Variants in GNG2 observed in about 807,000 individuals in gnomAD.
The protein encoded by GNG2 is guanine nucleotide-binding protein G(I)/G(S)/G(O) subunit gamma-2.
GNG2 carries 5 observed loss-of-function variants against 5.5 expected under a neutral mutation model. The ratio of observed to expected loss-of-function variants is 0.91; its 90% CI spans 0.48 to 1.92. The LOEUF (loss-of-function observed/expected upper bound fraction) is 1.92, where lower values mean the gene tolerates loss of function less well. GNG2 is among the 30% of genes most tolerant of loss of function. The pLI, the probability that GNG2 is intolerant of heterozygous loss-of-function variation, is 0.01. For missense variants in GNG2, 55 were observed against 88.4 expected (o/e 0.62, Z 1.52); for synonymous variants, 28 against 32.0 (o/e 0.88, Z 0.42).
intron 2 of GNG2, among the ~76,000 whole-genome samples, chr14:51,949,344 T>G (rs1022318442): frequency 6.6e-6 from 1 of 152,166 alleles, no homozygotes; most frequent in African/African-American, 2.4e-5. Flanking sequence ...ACTTTTGCTT[T>G]TTGGTCATTA....
At chr14:51,949,860 G>A (rs1888871255) in intron 2 of GNG2, among the ~76,000 whole-genome samples, 1 of 152,118 alleles carries the variant, frequency 6.6e-6, no homozygotes, top group Non-Finnish European at 1.5e-5. Flanking sequence ...AATGAATGTG[G>A]GATAGGATTT....
At chr14:51,896,891 G>C (rs1885225548) in intron 2 of GNG2, among the ~76,000 whole-genome samples, 1 of 152,022 alleles carries the variant, frequency 6.6e-6, no homozygotes, top group South Asian at 2.1e-4. Flanking sequence ...AAATCATAAG[G>C]AAATAGAATA....
intron 2 of GNG2, among the ~76,000 whole-genome samples, chr14:51,851,742 A>G (rs1881918108): frequency 6.6e-6 from 1 of 152,106 alleles, no homozygotes; most frequent in South Asian, 2.1e-4. Flanking sequence ...GAACACTTTA[A>G]TTTCTTCTTT....
At chr14:51,878,162 G>A (rs1196620254) in intron 2 of GNG2, 1 of 154,032 alleles carries the variant, frequency 6.5e-6, no homozygotes, top group African/African-American at 2.4e-5. Context: ...TTAGCTTTTG[G>A]AACTAGCTAT....
upstream of GNG2, among the ~76,000 whole-genome samples, chr14:51,857,014 C>A (rs958375676): frequency 1.3e-5 from 2 of 152,170 alleles, no homozygotes; most frequent in African/African-American, 4.8e-5. Context: ...GCCAATGATG[C>A]CTTTTCATTA....
chr14:51,936,121 A>G (rs1435529124), intron 2 of GNG2, among the ~76,000 whole-genome samples: 2 of 152,042 alleles, frequency 1.3e-5, no homozygotes, highest in Non-Finnish European at 2.9e-5. Context: ...ACACAGTGCC[A>G]CTCTGGGCTC....
intron 2 of GNG2, among the ~76,000 whole-genome samples, chr14:51,946,807 A>C (rs1888668811): frequency 6.6e-6 from 1 of 151,996 alleles, no homozygotes. Flanking sequence ...CTCACCCTTC[A>C]CCCAAATGCC....
chr14:51,910,872 T>C (rs1264544185), intron 2 of GNG2, among the ~76,000 whole-genome samples: 2 of 152,248 alleles, frequency 1.3e-5, no homozygotes, highest in Non-Finnish European at 2.9e-5. Flanking sequence ...GCAGAATGCC[T>C]CTAGAACAGC....
At chr14:51,877,725 G>T (rs1883770766) in intron 2 of GNG2, 68 bp downstream of exon 2, 8 of 440,038 alleles carry the variant, frequency 1.8e-5, no homozygotes, top group South Asian at 1.1e-4. Flanking sequence ...GAAAAAAAAT[G>T]TTAAGTGGTC....
At chr14:51,867,325 C>G (rs1377937908) in intron 1 of GNG2, among the ~76,000 whole-genome samples, 1 of 152,178 alleles carries the variant, frequency 6.6e-6, no homozygotes, top group African/African-American at 2.4e-5. Flanking sequence ...CAGCAAGCTG[C>G]CTGCAAATTC....
intron 2 of GNG2, among the ~76,000 whole-genome samples, chr14:51,892,104 A>G (rs895270916): frequency 6.6e-5 from 10 of 151,950 alleles, no homozygotes; most frequent in Admixed American, 1.3e-4. Context: ...AGTTCTCTGA[A>G]TTTTAATTTT....
At chr14:51,904,508 GA>G (rs1355488518) in intron 2 of GNG2, among the ~76,000 whole-genome samples, 2 of 152,174 alleles carry the variant, frequency 1.3e-5, no homozygotes, top group East Asian at 1.9e-4. Flanking sequence ...ATGTTGTTGG[GA>G]TGAACTGCCC....
intron 2 of GNG2, among the ~76,000 whole-genome samples, chr14:51,929,965 A>G: frequency 6.6e-6 from 1 of 152,174 alleles, no homozygotes. Context: ...TTTTAAGTTC[A>G]CCGGTAATAA....
chr14:51,877,301 C>A (rs570341923), intron 1 of GNG2, among the ~76,000 whole-genome samples: 1 of 152,164 alleles, frequency 6.6e-6, no homozygotes, highest in Non-Finnish European at 1.5e-5. Flanking sequence ...GGTATACAGC[C>A]TCTCCCACCA....
intron 2 of GNG2, among the ~76,000 whole-genome samples, chr14:51,881,142 C>T (rs1263695862): frequency 5.9e-5 from 9 of 152,136 alleles, no homozygotes; most frequent in Admixed American, 5.9e-4. Flanking sequence ...CACAGGACCT[C>T]GCTGAATCTT....
At chr14:51,842,284 T>TA (rs1307365072) in intron 2 of GNG2, among the ~76,000 whole-genome samples, 1 of 152,250 alleles carries the variant, frequency 6.6e-6, no homozygotes, top group Non-Finnish European at 1.5e-5. Flanking sequence ...ATACATTTTC[T>TA]AAAAAATTCA....
intron 2 of GNG2, among the ~76,000 whole-genome samples, chr14:51,937,205 A>G (rs1172654555): frequency 6.6e-6 from 1 of 152,240 alleles, no homozygotes; most frequent in East Asian, 1.9e-4. Context: ...TGATTGAAAG[A>G]CTAAAAAGTG....
chr14:51,892,102 G>A (rs556840201), intron 2 of GNG2, among the ~76,000 whole-genome samples: 1 of 137,100 alleles, frequency 7.3e-6, no homozygotes, highest in South Asian at 2.4e-4. Flanking sequence ...TCAGTTCTCT[G>A]AATTTTAATT....
intron 3 of GNG2, among the ~76,000 whole-genome samples, chr14:51,950,989 A>C (rs2236562): frequency 0.35 from 53,126 of 152,030 alleles, 9,792 homozygotes; most frequent in Middle Eastern, 0.42. Context: ...CACAACACAA[A>C]AAAAAAAGCA....
Sources: gnomAD v4.1 joint callset for allele counts (sites outside exome capture counted in the v4.1 genomes callset) on GRCh38, gnomAD v4.1.1 for gene constraint, MANE v1.5 for transcripts, NCBI Gene and HGNC (gene_info 2026-07-23, HGNC 2026-07-21) for gene names.